The following ZFPM2 variants were observed in gnomAD, a reference collection of about 807,000 sequenced individuals.
ZFPM2 encodes zinc finger protein ZFPM2.
In ZFPM2, 20 loss-of-function variants were observed where a neutral mutation model predicts 98.6. The observed-to-expected ratio is 0.20, with a 90% CI of 0.14 to 0.29. ZFPM2 has a LOEUF of 0.29. ZFPM2 is among the 10% of genes least tolerant of loss of function. ZFPM2 has a pLI of 1.00. For synonymous variants in ZFPM2, 518 were observed against 502.7 expected (o/e 1.03, Z -0.41); for missense variants, 1,310 against 1,388.6 (o/e 0.94, Z 0.90).
At chr8:105,452,776 A>G (rs1408264438) in intron 3 of ZFPM2, among the ~76,000 whole-genome samples, 1 of 151,896 alleles carries the variant, frequency 6.6e-6, no homozygotes, top group African/African-American at 2.4e-5. Context: ...ACAAAACAAA[A>G]CAAAACGACA....
At chr8:105,435,441 A>AC (rs1812100915) in intron 2 of ZFPM2, among the ~76,000 whole-genome samples, 1 of 152,210 alleles carries the variant, frequency 6.6e-6, no homozygotes, top group South Asian at 2.1e-4. Context: ...TGAATAAAAA[A>AC]TTTAGAAAGT....
intron 5 of ZFPM2, among the ~76,000 whole-genome samples, chr8:105,699,445 A>C (rs146350227): frequency 3.6e-4 from 55 of 152,264 alleles, no homozygotes; most frequent in African/African-American, 1.3e-3. Flanking sequence ...ACAAACTTAA[A>C]GGTATAAGAT....
intron 1 of ZFPM2, chr8:105,319,896 A>T (rs1183513515): frequency 4.6e-5 from 7 of 152,224 alleles, no homozygotes; most frequent in Admixed American, 2.6e-4. Context: ...CAAGTCGGTC[A>T]ACTTTTCTTG....
chr8:105,469,849 A>G (rs574698800), intron 3 of ZFPM2, among the ~76,000 whole-genome samples: 2 of 152,224 alleles, frequency 1.3e-5, no homozygotes, highest in Non-Finnish European at 2.9e-5. Context: ...ACAAAGCCAC[A>G]TAGCTCATCA....
intron 4 of ZFPM2, among the ~76,000 whole-genome samples, chr8:105,600,468 A>G (rs1816068627): frequency 1.3e-5 from 2 of 152,102 alleles, no homozygotes; most frequent in Non-Finnish European, 2.9e-5. Context: ...CTTTTTTTCA[A>G]TTAATTATTG....
At chr8:105,737,381 C>A in intron 5 of ZFPM2, 1 of 153,574 alleles carries the variant, frequency 6.5e-6, no homozygotes, top group South Asian at 2.0e-4. Flanking sequence ...TCCTCAGGAT[C>A]TCTTTAATGG....
intron 4 of ZFPM2, among the ~76,000 whole-genome samples, chr8:105,620,294 A>C (rs1816509214): frequency 6.6e-6 from 1 of 152,002 alleles, no homozygotes; most frequent in Non-Finnish European, 1.5e-5. Context: ...GATGATGAGC[A>C]TTTTTTCATG....
intron 5 of ZFPM2, among the ~76,000 whole-genome samples, chr8:105,776,169 G>A (rs1813100262): frequency 6.6e-6 from 1 of 152,018 alleles, no homozygotes; most frequent in Non-Finnish European, 1.5e-5. Flanking sequence ...GCTTGGGCCA[G>A]AGAATGCCCT....
chr8:105,675,721 C>G (rs1171134591), intron 5 of ZFPM2, among the ~76,000 whole-genome samples: 2 of 152,056 alleles, frequency 1.3e-5, no homozygotes, highest in Admixed American at 6.6e-5. Context: ...GGAGGAAGCT[C>G]TAAATATCAG....
At chr8:105,731,488 T>TA (rs1199144293) in intron 5 of ZFPM2, among the ~76,000 whole-genome samples, 3 of 151,732 alleles carry the variant, frequency 2.0e-5, no homozygotes, top group African/African-American at 7.3e-5. Context: ...TGGATTGTGT[T>TA]ACATAGAAGT....
intron 5 of ZFPM2, among the ~76,000 whole-genome samples, chr8:105,758,482 A>G (rs1253644070): frequency 6.6e-6 from 1 of 152,182 alleles, no homozygotes. Flanking sequence ...AACATTCTAT[A>G]CATGAACCCA....
chr8:105,406,026 G>C (rs1811449720), intron 1 of ZFPM2, among the ~76,000 whole-genome samples: 1 of 152,062 alleles, frequency 6.6e-6, no homozygotes, highest in Non-Finnish European at 1.5e-5. Context: ...TTCTCTGATG[G>C]CCAGTGATGG....
At chr8:105,602,176 A>G (rs928056443) in intron 4 of ZFPM2, among the ~76,000 whole-genome samples, 1 of 152,084 alleles carries the variant, frequency 6.6e-6, no homozygotes, top group Non-Finnish European at 1.5e-5. Flanking sequence ...AGAGGAACAC[A>G]CCTAAGGCTA....
rs60218363 is a variant in ZFPM2 at position 105,653,854 on chromosome 8, C to CTTTTTTTTTTTTTTTTTTTTT, written c.532+19510_532+19530dup. ...CTTTATACAACAGCTTGTGTGCTAT[C>CTTTTTTTTTTTTTTTTTTTTT]TTTTTTTTTTTTTTTTTTTTTTTTT... On this transcript the variant is annotated intron_variant, in intron 5 of 7. Transcript: ENST00000407775. Among the ~76,000 whole-genome samples the CTTTTTTTTTTTTTTTTTTTTT allele has an allele frequency of 1.2e-3, 43 of 35,286 alleles. 12 individuals are homozygous for CTTTTTTTTTTTTTTTTTTTTT. The highest frequency in any genetic ancestry group is 1.6e-3 in the Non-Finnish European group (33 of 20,362). The allele number at this position is 35,286 out of a possible 152,430, so 23.1% of individuals were successfully genotyped here. A position where few individuals can be genotyped will look rare whatever the true frequency, so the allele number is the denominator to read the frequency against.
At chr8:105,572,033 C>A (rs114927573) in intron 4 of ZFPM2, among the ~76,000 whole-genome samples, 1 of 103,368 alleles carries the variant, frequency 9.7e-6, no homozygotes, top group Non-Finnish European at 1.9e-5. Context: ...GGGTAAATTT[C>A]TTTTTTTTTT....
intron 4 of ZFPM2, among the ~76,000 whole-genome samples, chr8:105,581,306 AGAAT>A (rs1815592354): frequency 6.6e-6 from 1 of 152,204 alleles, no homozygotes; most frequent in African/African-American, 2.4e-5. Flanking sequence ...TAGGGGCCAA[AGAAT>A]GAATGAATCA....
chr8:105,663,898 T>C (rs977813125), intron 5 of ZFPM2, among the ~76,000 whole-genome samples: 2 of 152,230 alleles, frequency 1.3e-5, no homozygotes, highest in East Asian at 3.8e-4. Context: ...AAGGTAATTA[T>C]GAGAAATTGG....
intron 4 of ZFPM2, among the ~76,000 whole-genome samples, chr8:105,575,514 A>G (rs535222969): frequency 2.0e-5 from 3 of 152,304 alleles, no homozygotes; most frequent in African/African-American, 7.2e-5. Context: ...TGGGATCCTA[A>G]GGCTTCAGTG....
At chr8:105,749,034 A>G (rs1412373492) in intron 5 of ZFPM2, among the ~76,000 whole-genome samples, 5 of 152,080 alleles carry the variant, frequency 3.3e-5, no homozygotes, top group Non-Finnish European at 7.4e-5. Flanking sequence ...TTCCTGAGGC[A>G]TCAACAACAT....
Sources: gnomAD v4.1 joint callset for allele counts (sites outside exome capture counted in the v4.1 genomes callset) on GRCh38, gnomAD v4.1.1 for gene constraint, MANE v1.5 for transcripts, NCBI Gene and HGNC (gene_info 2026-07-23, HGNC 2026-07-21) for gene names.